The following PAX5 variants were observed in gnomAD, a reference collection of about 807,000 sequenced individuals.
PAX5 encodes the protein paired box protein Pax-5.
In PAX5, 9 loss-of-function variants were observed where a neutral mutation model predicts 43.7. The observed-to-expected ratio is 0.21, with a 90% confidence interval of 0.12 to 0.36. PAX5 has a LOEUF of 0.36. Among genes scored for constraint, PAX5 ranks in the 10% least tolerant of loss-of-function variants. PAX5 has a pLI of 1.00. For synonymous variants in PAX5, 228 were observed against 214.3 expected (o/e 1.06, Z -0.56); for missense variants, 383 against 532.7 (o/e 0.72, Z 2.77).
chr9:36,873,550 A>G (rs1273378869), intron 8 of PAX5, among the ~76,000 whole-genome samples: 1 of 152,250 alleles, frequency 6.6e-6, no homozygotes, highest in Non-Finnish European at 1.5e-5. Flanking sequence ...TGGCGTGCCC[A>G]GGCCAGAGAG....
chr9:36,912,384 A>T (rs909084994), intron 7 of PAX5, among the ~76,000 whole-genome samples: 2 of 152,228 alleles, frequency 1.3e-5, no homozygotes, highest in African/African-American at 4.8e-5. Context: ...TGGGCCCAGA[A>T]ATTAGTAACT....
At chr9:36,898,832 C>A (rs1442338524) in intron 7 of PAX5, among the ~76,000 whole-genome samples, 3 of 152,092 alleles carry the variant, frequency 2.0e-5, no homozygotes, top group African/African-American at 7.2e-5. Context: ...TCCTGGCACC[C>A]ACTGGCCCAG....
intron 5 of PAX5, among the ~76,000 whole-genome samples, chr9:36,991,398 A>G (rs1836925245): frequency 6.6e-6 from 1 of 152,142 alleles, no homozygotes; most frequent in Non-Finnish European, 1.5e-5. Flanking sequence ...CCACATTTTA[A>G]TATGCGGAAA....
At chr9:36,896,337 A>G (rs1434747584) in intron 7 of PAX5, among the ~76,000 whole-genome samples, 1 of 151,846 alleles carries the variant, frequency 6.6e-6, no homozygotes, top group African/African-American at 2.4e-5. Context: ...CAAACAGACA[A>G]CGCTGATATT....
intron 7 of PAX5, among the ~76,000 whole-genome samples, chr9:36,921,204 A>C (rs1830146709): frequency 6.6e-6 from 1 of 152,168 alleles, no homozygotes; most frequent in African/African-American, 2.4e-5. Flanking sequence ...CTGGAACCAA[A>C]CCCACAATGT....
intron 8 of PAX5, among the ~76,000 whole-genome samples, chr9:36,874,811 C>T (rs1477364405): frequency 2.0e-5 from 3 of 152,184 alleles, no homozygotes; most frequent in African/African-American, 7.2e-5. Flanking sequence ...GTTAGCATGC[C>T]TGCTAGGCTT....
At chr9:36,854,193 T>A (rs1823423894) in intron 8 of PAX5, among the ~76,000 whole-genome samples, 1 of 152,362 alleles carries the variant, frequency 6.6e-6, no homozygotes, top group Non-Finnish European at 1.5e-5. Context: ...CAGAACTGCA[T>A]GAAATGCCTG....
intron 8 of PAX5, among the ~76,000 whole-genome samples, chr9:36,848,167 C>T (rs1487888832): frequency 1.3e-5 from 2 of 152,108 alleles, no homozygotes; most frequent in Admixed American, 1.3e-4. Flanking sequence ...GATTCCAGAA[C>T]GGGCCAGCCA....
intron 2 of PAX5, among the ~76,000 whole-genome samples, chr9:37,018,866 G>A (rs1839619173): frequency 6.6e-6 from 1 of 152,124 alleles, no homozygotes; most frequent in Non-Finnish European, 1.5e-5. Context: ...CAATCTCCAT[G>A]GGAGATTTGG....
chr9:36,866,127 C>A (rs1169259390), intron 8 of PAX5, among the ~76,000 whole-genome samples: 1 of 152,194 alleles, frequency 6.6e-6, no homozygotes, highest in African/African-American at 2.4e-5. Flanking sequence ...AGGAAACCAG[C>A]GGCTAGGAAG....
At chr9:37,000,687 A>C (rs2132382375) in intron 5 of PAX5, among the ~76,000 whole-genome samples, 1 of 152,356 alleles carries the variant, frequency 6.6e-6, no homozygotes, top group African/African-American at 2.4e-5. Context: ...GTGGCCACTT[A>C]GTCTCTGCTT....
At chr9:36,963,492 TGC>T (rs1834143888) in intron 6 of PAX5, among the ~76,000 whole-genome samples, 1 of 152,202 alleles carries the variant, frequency 6.6e-6, no homozygotes, top group African/African-American at 2.4e-5. Flanking sequence ...TCTCTTGTCC[TGC>T]GGGCTCTGAG....
chr9:36,937,360 C>A (rs1394888494), intron 6 of PAX5, among the ~76,000 whole-genome samples: 1 of 152,154 alleles, frequency 6.6e-6, no homozygotes, highest in Non-Finnish European at 1.5e-5. Flanking sequence ...AGAGTCCAAG[C>A]TCTGAAACAC....
rs1826984128 is a variant in PAX5 at position 36,887,278 on chromosome 9, T to C, written c.911-5173A>G. On this transcript the variant is annotated intron_variant, in intron 7 of 9. Coordinates refer to ENST00000358127, the MANE Select transcript of PAX5 (RefSeq NM_016734.3). ...AAAACCAATGGAATAGAATGAAAAA[T>C]TTAAACAAAGGCTCAAAAGATCCAA... 1.3e-5 allele frequency among the ~76,000 whole-genome samples: 2 copies of C among 152,052 alleles called. 1 individual carries two copies. Among genetic ancestry groups the C allele is most frequent in the African/African-American group, 4.8e-5 (2 of 41,374 alleles).
At position 37,034,161 on chromosome 9, in the gene PAX5, A is replaced by C. The variant is rs1372538420; in HGVS notation, c.-130T>G. ...GGCCGCTCACAGGTCGGAATAATTC[A>C]AGCCTTCCGCTCCCCCGCCGAGCTG... On this transcript the variant is annotated 5_prime_UTR_variant, in exon 1 of 10. Coordinates refer to ENST00000358127, the MANE Select transcript of PAX5 (RefSeq NM_016734.3). 12 of 605,898 alleles carry C rather than the reference A, an allele frequency of 2.0e-5. No homozygotes were observed. The highest frequency in any genetic ancestry group is 3.0e-5 in the Non-Finnish European group (11 of 362,014). 37.5% of individuals were successfully genotyped at this position (605,898 alleles called of 1,614,324 possible).
At chr9:36,930,216 CTTTTTTTT>C (rs144710055) in intron 6 of PAX5, among the ~76,000 whole-genome samples, 9 of 85,524 alleles carry the variant, frequency 1.1e-4, no homozygotes, top group Admixed American at 3.0e-4. Context: ...GATGGATGTC[CTTTTTTTT>C]TTTTTTTTTT....
intron 6 of PAX5, among the ~76,000 whole-genome samples, chr9:36,955,334 G>C (rs1248664983): frequency 6.6e-6 from 1 of 152,186 alleles, no homozygotes; most frequent in Non-Finnish European, 1.5e-5. Flanking sequence ...GAAGGAGCCA[G>C]ATGAAAGTTT....
chr9:36,879,392 G>C (rs1039598492), intron 8 of PAX5, among the ~76,000 whole-genome samples: 2 of 152,216 alleles, frequency 1.3e-5, no homozygotes, highest in African/African-American at 4.8e-5. Context: ...CCAGTGGGGG[G>C]CTGAGAGGAC....
chr9:36,905,411 G>A (rs866912213), intron 7 of PAX5, among the ~76,000 whole-genome samples: 1 of 152,240 alleles, frequency 6.6e-6, no homozygotes, highest in African/African-American at 2.4e-5. Context: ...GGTTCAGAGA[G>A]GGGAAGGGAA....
Sources: allele counts gnomAD v4.1 joint callset (sites outside exome capture counted in the v4.1 genomes callset), GRCh38; gene constraint gnomAD v4.1.1; transcripts MANE v1.5; gene names NCBI Gene and HGNC (gene_info 2026-07-23, HGNC 2026-07-21).